KIF6: variants seen among roughly 807,000 people sequenced by gnomAD.
KIF6 encodes the protein kinesin family member 6.
Under a neutral mutation model 112.7 loss-of-function variants are expected in KIF6, and 106 were observed. The ratio of observed to expected loss-of-function variants is 0.94; its 90% confidence interval spans 0.80 to 1.11. The LOEUF (loss-of-function observed/expected upper bound fraction) is 1.11. Ranked by LOEUF, KIF6 falls within the 50% of genes least tolerant of loss-of-function variation. The pLI is 0.00. For synonymous variants in KIF6, 339 were observed against 339.9 expected, an observed-to-expected ratio of 1.00 and a Z score of 0.03; for missense variants, 929 against 964.0, an observed-to-expected ratio of 0.96 and a Z score of 0.48.
chr6:39,467,213 T>G (rs1434079050), intron 13 of KIF6, among the ~76,000 whole-genome samples: 1 of 152,228 alleles, frequency 6.6e-6, no homozygotes, highest in Non-Finnish European at 1.5e-5. Context: ...AGCAACAAGC[T>G]AAACCAGTTT....
At chr6:39,406,035 T>A (rs143494773) in intron 15 of KIF6, among the ~76,000 whole-genome samples, 102 of 152,352 alleles carry the variant, frequency 6.7e-4, no homozygotes, top group African/African-American at 1.9e-3. Context: ...TTATTTATTT[T>A]TTTTTGATAT....
At chr6:39,711,603 G>A (rs142606039) in intron 3 of KIF6, among the ~76,000 whole-genome samples, 1 of 152,058 alleles carries the variant, frequency 6.6e-6, no homozygotes, top group African/African-American at 2.4e-5. Context: ...GAACTCCTGG[G>A]CTCATTTAAC....
At chr6:39,379,386 T>A (rs1188919496) in intron 16 of KIF6, among the ~76,000 whole-genome samples, 1 of 152,268 alleles carries the variant, frequency 6.6e-6, no homozygotes, top group African/African-American at 2.4e-5. Context: ...GAAGCATTCA[T>A]CTGGCCATTG....
chr6:39,537,818 A>G (rs1778535399), intron 13 of KIF6, among the ~76,000 whole-genome samples: 1 of 152,206 alleles, frequency 6.6e-6, no homozygotes, highest in Non-Finnish European at 1.5e-5. Context: ...TTCAAACTAT[A>G]CTACAGGGCT....
chr6:39,438,993 T>C (rs981514085), intron 13 of KIF6, among the ~76,000 whole-genome samples: 1 of 152,246 alleles, frequency 6.6e-6, no homozygotes, highest in African/African-American at 2.4e-5. Context: ...GGTTTGTAGC[T>C]GAGGAGCATT....
intron 6 of KIF6, among the ~76,000 whole-genome samples, chr6:39,607,076 G>T (rs1782930789): frequency 6.6e-6 from 1 of 151,956 alleles, no homozygotes; most frequent in Non-Finnish European, 1.5e-5. Context: ...TGCTGTTGTT[G>T]GTGAATGTCA....
At chr6:39,547,666 T>C (rs1185386260) in intron 10 of KIF6, among the ~76,000 whole-genome samples, 2 of 150,964 alleles carry the variant, frequency 1.3e-5, no homozygotes, top group Non-Finnish European at 2.9e-5. Flanking sequence ...TATATATTCA[T>C]TTATACATTT....
chr6:39,412,214 G>A (rs1769530770), intron 15 of KIF6, among the ~76,000 whole-genome samples: 1 of 152,108 alleles, frequency 6.6e-6, no homozygotes, highest in African/African-American at 2.4e-5. Flanking sequence ...TCCAAACTAT[G>A]ACAGCAAAAC....
chr6:39,655,808 C>T (rs747616217), intron 3 of KIF6, among the ~76,000 whole-genome samples: 2 of 152,168 alleles, frequency 1.3e-5, no homozygotes, highest in African/African-American at 2.4e-5. Flanking sequence ...GACAATACAA[C>T]ACTATTTTAC....
At chr6:39,464,709 T>C (rs1057485388) in intron 13 of KIF6, among the ~76,000 whole-genome samples, 1 of 151,998 alleles carries the variant, frequency 6.6e-6, no homozygotes, top group Admixed American at 6.6e-5. Flanking sequence ...CACCACTGAG[T>C]GGAGCAGGAT....
chr6:39,454,486 T>C (rs1422498665), intron 13 of KIF6, among the ~76,000 whole-genome samples: 1 of 119,702 alleles, frequency 8.4e-6, no homozygotes, highest in East Asian at 2.4e-4. Flanking sequence ...AGGAAAAATA[T>C]AAACGAAACT....
At chr6:39,580,188 T>C (rs1346128607) in intron 9 of KIF6, among the ~76,000 whole-genome samples, 1 of 152,114 alleles carries the variant, frequency 6.6e-6, no homozygotes, top group Non-Finnish European at 1.5e-5. Flanking sequence ...ATAATTTTCT[T>C]TTTAAATACC....
intron 3 of KIF6, among the ~76,000 whole-genome samples, chr6:39,709,037 A>G (rs1444288540): frequency 6.6e-6 from 1 of 152,250 alleles, no homozygotes; most frequent in Non-Finnish European, 1.5e-5. Flanking sequence ...GGCAGTTTTG[A>G]CAATGTTACT....
At chr6:39,457,758 C>A (rs1465034739) in intron 13 of KIF6, among the ~76,000 whole-genome samples, 1 of 152,146 alleles carries the variant, frequency 6.6e-6, no homozygotes, top group Non-Finnish European at 1.5e-5. Context: ...CACAAATAAA[C>A]TAGAAAATCT....
intron 13 of KIF6, among the ~76,000 whole-genome samples, chr6:39,435,321 T>G (rs1771447157): frequency 6.6e-6 from 1 of 152,240 alleles, no homozygotes; most frequent in Non-Finnish European, 1.5e-5. Flanking sequence ...CTTCATCTGT[T>G]AATATGTTTT....
chr6:39,420,102 CTT>C, intron 14 of KIF6, 99 bp from the exon 15 acceptor site: 2 of 799,816 alleles, frequency 2.5e-6, no homozygotes, highest in South Asian at 3.2e-5. Flanking sequence ...TATGATGAAA[CTT>C]TATTGAAAGA....
At chr6:39,637,290 C>A (rs529151562) in intron 4 of KIF6, among the ~76,000 whole-genome samples, 1 of 152,064 alleles carries the variant, frequency 6.6e-6, no homozygotes, top group African/African-American at 2.4e-5. Context: ...ATTTTCTGGA[C>A]TTTCATTGGA....
intron 5 of KIF6, among the ~76,000 whole-genome samples, chr6:39,633,762 C>G (rs759923672): frequency 2.0e-5 from 3 of 152,170 alleles, no homozygotes; most frequent in Non-Finnish European, 4.4e-5. Flanking sequence ...ACGACTTCCC[C>G]TCCTTTAGTA....
chr6:39,617,550 C>T (rs1359168775), intron 5 of KIF6, among the ~76,000 whole-genome samples: 1 of 152,150 alleles, frequency 6.6e-6, no homozygotes, highest in African/African-American at 2.4e-5. Context: ...TGGTATAGGT[C>T]ATGCACTATG....
Sources: allele counts gnomAD v4.1 joint callset (sites outside exome capture counted in the v4.1 genomes callset), GRCh38; gene constraint gnomAD v4.1.1; transcripts MANE v1.5; gene names NCBI Gene and HGNC (gene_info 2026-07-23, HGNC 2026-07-21).